Variants in PHF6 observed in about 807,000 individuals in gnomAD.
PHF6 encodes PHD-like zinc finger protein.
PHF6 carries 7 observed loss-of-function variants against 34.0 expected under a neutral mutation model. The observed-to-expected ratio is 0.21, with a 90% CI of 0.12 to 0.39. The LOEUF (loss-of-function observed/expected upper bound fraction) is 0.39. Ranked by LOEUF, PHF6 falls within the 10% of genes least tolerant of loss-of-function variation. The pLI is 1.00. For missense variants in PHF6, 128 were observed against 262.8 expected (o/e 0.49, Z 3.55); for synonymous variants, 89 against 88.4 (o/e 1.01, Z -0.04).
rs112199174 is a variant in PHF6, at chrX:134,417,261, C to T, written c.927C>T (p.Asp309=). ...ACCATTACCACTGTGGAGTACAAGA[C>T]AAAGCTAAATACATTGAAAATATGT... ...KTYHYHCGVQ[D]KAKYIENMSR... is the part of the protein sequence containing the mutation. Residue 309 remains aspartate, a synonymous_variant, in exon 9 of 11, where the codon GAC becomes GAT. Transcript: ENST00000370803. 1,765 of 1,208,241 alleles carry T rather than the reference C, an allele frequency of 1.5e-3. 14 individuals carry two copies. The African/African-American group carries it at 0.026, about 18-fold the overall frequency.
chrX:134,399,686 GACACACACACACAC>G (rs749494093), intron 5 of PHF6, among the ~76,000 whole-genome samples: 1 of 95,515 alleles, frequency 1.0e-5, no homozygotes, highest in Non-Finnish European at 2.1e-5. Flanking sequence ...CACACACACA[GACACACACACACAC>G]ACACACACAG....
intron 5 of PHF6, among the ~76,000 whole-genome samples, chrX:134,402,572 A>C (rs772132599): frequency 9.0e-4 from 100 of 111,721 alleles, no homozygotes; most frequent in Non-Finnish European, 1.5e-3. Flanking sequence ...ATTTTTTTAA[A>C]AACCTACCTC....
intron 9 of PHF6, 122 bp downstream of exon 9, chrX:134,417,424 C>T: frequency 1.4e-6 from 1 of 720,905 alleles, no homozygotes; most frequent in Admixed American, 2.8e-5. Context: ...ATACTGAGCA[C>T]ATTATGTAAG....
At chrX:134,374,728 A>C (rs1435365121) in intron 1 of PHF6, among the ~76,000 whole-genome samples, 2 of 112,511 alleles carry the variant, frequency 1.8e-5, no homozygotes, top group African/African-American at 6.5e-5. Context: ...CATCTTGGAA[A>C]ATCAGAAATG....
chrX:134,417,873 A>G (rs1267350308), intron 9 of PHF6: 1 of 113,595 alleles, frequency 8.8e-6, no homozygotes, highest in Non-Finnish European at 1.8e-5. Flanking sequence ...CAAACAAAAA[A>G]AAAACACTAC....
chrX:134,389,942 C>G (rs1029646891), intron 3 of PHF6, among the ~76,000 whole-genome samples: 2 of 111,339 alleles, frequency 1.8e-5, no homozygotes, highest in Admixed American at 1.9e-4. Context: ...CTGAACAGTA[C>G]TTTGTAAGGC....
chrX:134,414,487 G>A (rs1437947740), intron 7 of PHF6, among the ~76,000 whole-genome samples: 1 of 111,497 alleles, frequency 9.0e-6, no homozygotes, highest in Non-Finnish European at 1.9e-5. Context: ...GACTTAGATT[G>A]TATTGAATGA....
rs2124193827 is a variant in PHF6, at chrX:134,373,452, C to T, written c.-62C>T. 1 of 112,967 alleles carries T rather than the reference C, an allele frequency of 8.9e-6. No homozygotes were observed. The highest frequency in any genetic ancestry group is 2.8e-4 in the East Asian group (1 of 3,544). The allele number at this position is 112,967 out of a possible 1,213,427, so 9.3% of individuals were successfully genotyped here. On this transcript the variant is annotated 5_prime_UTR_variant, in exon 1 of 11. Transcript: ENST00000370803. ...ATTGGCGCTTCTCTCCTGCAGTCCG[C>T]CTCTGGGCCCTGCCGGTGAGTCCCC...
rs149570413 is a variant in PHF6, at chrX:134,407,314, A to G, written c.419-6177A>G. ...CTCAAATGTTAGCTCTTACTATTCTATTTCCAACTTATACACACATATTTA... is the reference window on the plus strand; with the variant it reads ...CTCAAATGTTAGCTCTTACTATTCTGTTTCCAACTTATACACACATATTTA... On this transcript the variant is annotated intron_variant, in intron 5 of 10. Transcript: ENST00000370803. 2.4e-3 allele frequency among the ~76,000 whole-genome samples: 267 copies of G among 112,582 alleles called. 1 individual carries two copies. The highest frequency in any genetic ancestry group is 8.1e-3 in the African/African-American group (251 of 31,000).
At chrX:134,392,801 A>ATT (rs749412474) in intron 3 of PHF6, among the ~76,000 whole-genome samples, 4 of 97,444 alleles carry the variant, frequency 4.1e-5, no homozygotes, top group African/African-American at 1.1e-4. Flanking sequence ...AATTAAGTGG[A>ATT]TTTTTTTTTT....
At position 134,426,169 on chromosome X, in the gene PHF6, TA is replaced by T. The variant is rs201025298; in HGVS notation, c.*514del. The stretch of plus-strand genomic sequence containing the variant: ...TTCTCTTGACTTTGACAGCACATGC[TA>T]AAAATCTCTTCCAAGAAGTATGCTA... On this transcript the variant is annotated 3_prime_UTR_variant, in exon 11 of 11. Coordinates refer to ENST00000370803, the MANE Select transcript of PHF6 (RefSeq NM_001015877.2). 1,384 of 158,298 alleles carry T rather than the reference TA, an allele frequency of 8.7e-3. 10 individuals are homozygous for T. The highest frequency in any genetic ancestry group is 0.014 in the Non-Finnish European group (1,113 of 81,135). The allele number at this position is 158,298 out of a possible 1,213,427, so 13.0% of individuals were successfully genotyped here.
chrX:134,381,403 A>G (rs2077306701), intron 3 of PHF6, among the ~76,000 whole-genome samples: 1 of 111,308 alleles, frequency 9.0e-6, no homozygotes, highest in South Asian at 3.8e-4. Context: ...TAAAAGGGCT[A>G]TGAATCAAAT....
At chrX:134,391,575 C>T (rs2124217636) in intron 3 of PHF6, among the ~76,000 whole-genome samples, 1 of 111,365 alleles carries the variant, frequency 9.0e-6, no homozygotes, top group Admixed American at 9.6e-5. Context: ...TTCAGTTTTG[C>T]TCGCTAATTG....
chrX:134,406,075 T>TTTCC, intron 5 of PHF6, among the ~76,000 whole-genome samples: 1 of 86,498 alleles, frequency 1.2e-5, no homozygotes, highest in Non-Finnish European at 2.3e-5. Context: ...TCTTTCTTTC[T>TTTCC]TTCTTTCTTT....
At chrX:134,425,425 A>G in intron 10 of PHF6, 95 bp downstream of exon 10, 2 of 1,032,990 alleles carry the variant, frequency 1.9e-6, no homozygotes, top group Non-Finnish European at 2.7e-6. Context: ...ATTTTTTTTA[A>G]TCCTATTATG....
At chrX:134,379,432 C>CTTTTTTTT (rs34099570) in intron 3 of PHF6, among the ~76,000 whole-genome samples, 14 of 26,272 alleles carry the variant, frequency 5.3e-4, no homozygotes, top group African/African-American at 6.0e-4. Context: ...CTTTTCTTTT[C>CTTTTTTTT]TTTTTTTTTT....
chrX:134,387,448 T>C (rs1569336934), intron 3 of PHF6, among the ~76,000 whole-genome samples: 1 of 111,132 alleles, frequency 9.0e-6, no homozygotes, highest in Non-Finnish European at 1.9e-5. Context: ...AGCATAGGTG[T>C]GGATGAGGTG....
At chrX:134,385,445 T>G (rs1197193973) in intron 3 of PHF6, among the ~76,000 whole-genome samples, 1 of 111,867 alleles carries the variant, frequency 8.9e-6, no homozygotes, top group Non-Finnish European at 1.9e-5. Flanking sequence ...CCTAGCATGA[T>G]GTGGGGATAA....
intron 3 of PHF6, among the ~76,000 whole-genome samples, chrX:134,391,992 G>T (rs901904638): frequency 5.4e-5 from 6 of 111,606 alleles, no homozygotes; most frequent in Non-Finnish European, 3.8e-5. Flanking sequence ...AGGAAGAAAG[G>T]GGTATTTCTT....
Sources: gnomAD v4.1 joint callset for allele counts (sites outside exome capture counted in the v4.1 genomes callset) on GRCh38, gnomAD v4.1.1 for gene constraint, MANE v1.5 for transcripts, NCBI Gene and HGNC (gene_info 2026-07-23, HGNC 2026-07-21) for gene names.